The following KCTD1 variants were observed in gnomAD, a reference collection of about 807,000 sequenced individuals.
KCTD1 encodes the protein BTB/POZ domain-containing protein KCTD1.
In KCTD1, 24 loss-of-function variants were observed where a neutral mutation model predicts 66.0. The ratio of observed to expected loss-of-function variants is 0.36; its 90% CI spans 0.26 to 0.51. The LOEUF is 0.51. KCTD1 is among the 20% of genes least tolerant of loss of function. The pLI, the probability that KCTD1 is intolerant of heterozygous loss-of-function variation, is 0.95. For missense variants in KCTD1, 943 were observed against 1,205.2 expected (o/e 0.78, Z 3.22); for synonymous variants, 511 against 517.2 (o/e 0.99, Z 0.16).
At chr18:26,630,292 AT>A (rs1172392272), upstream of KCTD1, among the ~76,000 whole-genome samples, 1 of 152,186 alleles carries the variant, frequency 6.6e-6, no homozygotes, top group Non-Finnish European at 1.5e-5. Flanking sequence ...TGTTAATTTT[AT>A]TAAGTCTTGA....
chr18:26,645,585 A>G (rs1987913917), intron 1 of KCTD1, among the ~76,000 whole-genome samples: 1 of 152,034 alleles, frequency 6.6e-6, no homozygotes, highest in Admixed American at 6.6e-5. Context: ...TATTGTAGAG[A>G]TGAGGTCTTA....
rs776923644 is a variant in KCTD1, at chr18:26,570,191, A to AAAAATATATATAT, written c.-16+58955_-16+58956insATATATATATTTT. 1.5e-3 allele frequency among the ~76,000 whole-genome samples: 203 copies of AAAAATATATATAT among 132,528 alleles called. 1 individual carries two copies. The highest frequency in any genetic ancestry group is 0.012 in the South Asian group (47 of 3,958). 86.9% of individuals were successfully genotyped at this position (132,528 alleles called of 152,430 possible). On this transcript the variant is annotated intron_variant, in intron 1 of 4. Coordinates refer to the KCTD1 transcript ENST00000317932. ...ACAGAGCAAGACTCCATCTAAAAAA[A>AAAAATATATATAT]ATATATATATATATATATATATATG...
intron 1 of KCTD1, among the ~76,000 whole-genome samples, chr18:26,555,050 G>T (rs531885826): frequency 1.5e-4 from 23 of 152,322 alleles, no homozygotes; most frequent in Non-Finnish European, 2.4e-4. Flanking sequence ...TTTTATTTCA[G>T]TGTCATTGGA....
chr18:26,618,257 GTGT>G (rs1398140778), intron 1 of KCTD1, among the ~76,000 whole-genome samples: 3 of 152,320 alleles, frequency 2.0e-5, no homozygotes, highest in South Asian at 2.1e-4. Context: ...AAATTGTCAA[GTGT>G]TGTTCAAGTG....
intron 1 of KCTD1, among the ~76,000 whole-genome samples, chr18:26,527,296 G>A (rs141924650): frequency 6.2e-4 from 95 of 152,218 alleles, no homozygotes; most frequent in Middle Eastern, 3.4e-3. Flanking sequence ...GAAGAATAAA[G>A]CTAGCATTTG....
chr18:26,518,160 G>A (rs1211687807), intron 1 of KCTD1, among the ~76,000 whole-genome samples: 2 of 152,196 alleles, frequency 1.3e-5, no homozygotes, highest in Non-Finnish European at 2.9e-5. Flanking sequence ...AAAGGTGGGT[G>A]CATCGTAGCT....
intron 2 of KCTD1, among the ~76,000 whole-genome samples, chr18:26,487,687 GGT>G (rs1289144547): frequency 6.6e-6 from 1 of 152,208 alleles, no homozygotes; most frequent in Non-Finnish European, 1.5e-5. Context: ...ACGGTCTGTA[GGT>G]GTGTGTCTTG....
intron 1 of KCTD1, among the ~76,000 whole-genome samples, chr18:26,607,353 C>T (rs1167624718): frequency 1.3e-5 from 2 of 152,212 alleles, no homozygotes; most frequent in African/African-American, 4.8e-5. Context: ...ACAAACCTCA[C>T]ACCTCTATTA....
chr18:26,456,555 C>T (rs1405978168), intron 4 of KCTD1: 3 of 152,110 alleles, frequency 2.0e-5, no homozygotes, highest in African/African-American at 7.2e-5. Flanking sequence ...AGATTTATTG[C>T]CCTGCATTCA....
chr18:26,547,992 A>G lies in KCTD1; in HGVS notation c.545T>C (p.Ile182Thr). The change falls in exon 1 of 5, where the codon ATC (isoleucine) becomes ACC (threonine). Residue 182 changes from isoleucine to threonine, a missense_variant. Coordinates refer to ENST00000580059, the MANE Select transcript of KCTD1 (RefSeq NM_001142730.3). ...CTTCTCGCTCAGGTACTCCCGGAAGATGCGCACGGCGTAGCGGGTGGCCAG... is the reference window on the plus strand; with the variant it reads ...CTTCTCGCTCAGGTACTCCCGGAAGGTGCGCACGGCGTAGCGGGTGGCCAG... ...TRLATRYAVR[I>T]FREYLSEKAQ... 6.5e-7 allele frequency: 1 copy of G among 1,536,940 alleles called. No homozygotes were observed. Among genetic ancestry groups the G allele is most frequent in the Non-Finnish European group, 8.7e-7 (1 of 1,144,462 alleles).
intron 1 of KCTD1, chr18:26,565,856 T>C (rs1178218468): frequency 6.6e-6 from 1 of 152,152 alleles, no homozygotes; most frequent in African/African-American, 2.4e-5. Flanking sequence ...TACAGATCAT[T>C]GTTATTTTTG....
intron 1 of KCTD1, among the ~76,000 whole-genome samples, chr18:26,579,221 T>G (rs767457183): frequency 3.0e-4 from 45 of 152,090 alleles, no homozygotes; most frequent in Non-Finnish European, 5.1e-4. Flanking sequence ...ATACCTCCAG[T>G]AGAAAATAAG....
intron 1 of KCTD1, among the ~76,000 whole-genome samples, chr18:26,588,330 G>GAAGGGAAGGGAAGGGA (rs1310657452): frequency 8.2e-6 from 1 of 122,358 alleles, no homozygotes; most frequent in Non-Finnish European, 1.8e-5. Context: ...AAGGGAAAGG[G>GAAGGGAAGGGAAGGGA]AGGGGAGGGG....
chr18:26,522,288 G>A (rs190859387), intron 1 of KCTD1, among the ~76,000 whole-genome samples: 3 of 152,172 alleles, frequency 2.0e-5, no homozygotes, highest in Non-Finnish European at 2.9e-5. Flanking sequence ...ACAGACAAAC[G>A]CACGGGGAAC....
chr18:26,620,076 C>A (rs115290195), intron 1 of KCTD1, among the ~76,000 whole-genome samples: 1,787 of 152,160 alleles, frequency 0.012, 39 homozygotes, highest in African/African-American at 0.04. Flanking sequence ...TCTCTGAACT[C>A]CTCGAGGGCA....
chr18:26,546,885 G>A lies in KCTD1; in HGVS notation c.1652C>T (p.Ser551Phe). The change falls in exon 1 of 5, where the codon TCC becomes TTC. Residue 551 changes from serine (S) to phenylalanine (F), a missense_variant. This residue lies in a region of KCTD1 where 197 missense variants were observed against 182.7 expected (regional missense o/e 1.08). Coordinates refer to ENST00000580059, the MANE Select transcript of KCTD1 (RefSeq NM_001142730.3). ...GGGGCGGATACAAAGTCTTTTGGGG[G>A]AAGTGGGGCCGCAGATTTCCCCCGA... ...FGSGEICGPT[S>F]PKRLCIRPSE... The A allele has an allele frequency of 2.0e-6, 3 of 1,488,328 alleles. No homozygotes were observed. The highest frequency in any genetic ancestry group is 2.7e-6 in the Non-Finnish European group (3 of 1,118,218). 92.2% of individuals were successfully genotyped at this position (1,488,328 alleles called of 1,614,324 possible).
chr18:26,522,863 G>A (rs887285745), intron 1 of KCTD1, among the ~76,000 whole-genome samples: 2 of 152,078 alleles, frequency 1.3e-5, no homozygotes, highest in Non-Finnish European at 2.9e-5. Context: ...GGCTTACAGA[G>A]GGTTCAGTAA....
intron 4 of KCTD1, chr18:26,457,556 G>C (rs188927052): frequency 2.0e-5 from 3 of 152,178 alleles, no homozygotes; most frequent in African/African-American, 7.2e-5. Context: ...GGAGGAAATC[G>C]CTAAGCTCTT....
intron 1 of KCTD1, among the ~76,000 whole-genome samples, chr18:26,559,999 T>A (rs1404484155): frequency 6.6e-6 from 1 of 152,132 alleles, no homozygotes; most frequent in East Asian, 1.9e-4. Context: ...TTCCCTGGGG[T>A]TCCTTCTCTT....
Sources: gnomAD v4.1 joint callset for allele counts (sites outside exome capture counted in the v4.1 genomes callset) on GRCh38, gnomAD v4.1.1 for gene constraint, gnomAD v4.1.1 regional missense constraint, MANE v1.5 for transcripts, NCBI Gene and HGNC (gene_info 2026-07-23, HGNC 2026-07-21) for gene names.